The following NLRP13 variants were observed in gnomAD, a reference collection of about 807,000 sequenced individuals.
The protein encoded by NLRP13 is NACHT, LRR and PYD domains-containing protein 13.
A neutral mutation model predicts 94.4 loss-of-function variants in NLRP13; 82 were observed. That is an observed-to-expected ratio of 0.87 (90% confidence interval 0.73 to 1.04). The LOEUF is 1.04. NLRP13 is among the 50% of genes least tolerant of loss of function. The probability of loss-of-function intolerance (pLI) is 0.00; values close to 1 mark genes in which losing one functional copy is unlikely to be tolerated. For synonymous variants in NLRP13, 553 were observed against 464.7 expected (o/e 1.19, Z -2.45); for missense variants, 1,426 against 1,230.8 (o/e 1.16, Z -2.37).
At chr19:55,903,743 C>G (rs908950348) in intron 8 of NLRP13, among the ~76,000 whole-genome samples, 2 of 152,066 alleles carry the variant, frequency 1.3e-5, no homozygotes, top group Non-Finnish European at 2.9e-5. Flanking sequence ...CCTAAACCAC[C>G]TCGAATCCAT....
rs79240240 is a variant in NLRP13, at chr19:55,899,972, A to G, written c.2790-1035T>C. Among the ~76,000 whole-genome samples the G allele has an allele frequency of 9.0e-4, 132 of 147,232 alleles. 1 individual carries two copies. In the East Asian group the frequency reaches 0.021, roughly 24 times the overall value. ...ATTGTTGTTTTTTTTTTTTTTTGAG[A>G]TCTATTCCATGGCATGGCAAACATA... On this transcript the variant is annotated intron_variant, in intron 9 of 10. Transcript: ENST00000342929.
downstream of NLRP13, among the ~76,000 whole-genome samples, chr19:55,894,315 T>C (rs1398321150): frequency 6.6e-6 from 1 of 152,174 alleles, no homozygotes; most frequent in Non-Finnish European, 1.5e-5. Flanking sequence ...GTGCTGGAAT[T>C]ATAGGCATGA....
At chr19:55,927,752 T>C (rs771308676) in intron 1 of NLRP13, among the ~76,000 whole-genome samples, 3 of 152,152 alleles carry the variant, frequency 2.0e-5, no homozygotes, top group Non-Finnish European at 2.9e-5. Flanking sequence ...ACTCTAGAAA[T>C]GTAGAGGTTG....
At position 55,913,548 on chromosome 19, in the gene NLRP13, C is replaced by CAAAAAAAAAA. The variant is rs10530056; in HGVS notation, c.524-265_524-256dup. Among the ~76,000 whole-genome samples, 28 of 52,058 alleles carry CAAAAAAAAAA rather than the reference C, an allele frequency of 5.4e-4. 3 individuals are homozygous for CAAAAAAAAAA. Among genetic ancestry groups the CAAAAAAAAAA allele is most frequent in the Admixed American group, 1.6e-3 (9 of 5,806 alleles). 34.2% of individuals were successfully genotyped at this position (52,058 alleles called of 152,430 possible). A position where few individuals can be genotyped will look rare whatever the true frequency, so the allele number is the denominator to read the frequency against. On this transcript the variant is annotated intron_variant, in intron 4 of 10. Coordinates refer to ENST00000342929, the MANE Select transcript of NLRP13 (RefSeq NM_176810.2). The stretch of plus-strand genomic sequence containing the variant: ...TGGGTGACAGAGTGAGACTCCGTCT[C>CAAAAAAAAAA]AAAAAAAAAAAAAAAAAAAAAAAGT...
chr19:55,913,481 C>T (rs1055654619), intron 4 of NLRP13, among the ~76,000 whole-genome samples, 188 bp from the exon 5 acceptor site: 4 of 129,810 alleles, frequency 3.1e-5, no homozygotes, highest in African/African-American at 1.2e-4. Context: ...ACCCGGGAGG[C>T]GGAGGTTGCA....
At chr19:55,900,497 C>A (rs992816431) in intron 9 of NLRP13, among the ~76,000 whole-genome samples, 1 of 152,056 alleles carries the variant, frequency 6.6e-6, no homozygotes, top group African/African-American at 2.4e-5. Context: ...CCAGGCCAGG[C>A]GCGGTGGCTC....
chr19:55,923,443 A>G (rs1986887665), intron 4 of NLRP13, among the ~76,000 whole-genome samples: 1 of 152,224 alleles, frequency 6.6e-6, no homozygotes, highest in Non-Finnish European at 1.5e-5. Flanking sequence ...TTATCTGAAT[A>G]GCTTGTTTAT....
intron 3 of NLRP13, 60 bp from the exon 4 acceptor site, chr19:55,924,039 G>T: frequency 7.5e-7 from 1 of 1,329,520 alleles, no homozygotes; most frequent in Non-Finnish European, 1.1e-6. Flanking sequence ...GGGCCACAAT[G>T]ATAAAGACTC....
chr19:55,907,283 C>T (rs181486695), intron 7 of NLRP13, among the ~76,000 whole-genome samples: 2 of 150,704 alleles, frequency 1.3e-5, no homozygotes, highest in Non-Finnish European at 2.9e-5. Context: ...AAAACACCCA[C>T]TAGGTTGGGC....
Position 55,900,334 on chromosome 19 carries a change from T to G in NLRP13, c.2790-1397A>C, listed in dbSNP as rs75913946. Among the ~76,000 whole-genome samples, 530 of 152,288 alleles carry G rather than the reference T, an allele frequency of 3.5e-3. 20 individuals carry two copies. In the South Asian group the frequency reaches 0.082, roughly 24 times the overall value. ...TCAGCATTTGAAAACATACTCAACTTCATTCTTATAAATGCAGATGCAAAT... is the reference window on the plus strand; with the variant it reads ...TCAGCATTTGAAAACATACTCAACTGCATTCTTATAAATGCAGATGCAAAT... On this transcript the variant is annotated intron_variant, in intron 9 of 10. Transcript: ENST00000342929.
chr19:55,919,629 C>T (rs1294028500), intron 4 of NLRP13, among the ~76,000 whole-genome samples: 2 of 151,336 alleles, frequency 1.3e-5, no homozygotes, highest in Non-Finnish European at 3.0e-5. Flanking sequence ...TAAAAAAAAA[C>T]ACCTAAGGAA....
At chr19:55,905,526 C>T (rs1278616998) in intron 7 of NLRP13, among the ~76,000 whole-genome samples, 1 of 151,098 alleles carries the variant, frequency 6.6e-6, no homozygotes, top group Non-Finnish European at 1.5e-5. Flanking sequence ...GTGGTGTGCA[C>T]CTGTAGTCCC....
In NLRP13 at chr19:55,912,885, T is replaced by A; in HGVS notation, c.932A>T (p.Asp311Val). 6.2e-7 allele frequency: 1 copy of A among 1,614,172 alleles called. No individual in the cohort carries two copies. The highest frequency in any genetic ancestry group is 2.2e-5 in the East Asian group (1 of 44,876). ...SQPEKLLFII[D>V]GFEEIIISES... is the part of the protein sequence containing the mutation. Reference sequence around the variant, plus strand: ...AGATATGATTATTTCCTCAAAGCCATCAATAATAAACAGGAGCTTCTCTGG... The same window carrying A: ...AGATATGATTATTTCCTCAAAGCCAACAATAATAAACAGGAGCTTCTCTGG... The change falls in exon 5 of 11, where the codon GAT becomes GTT. Residue 311 changes from aspartate (D) to valine (V), a missense_variant. By Grantham distance (152) the Asp-to-Val change is radical (BLOSUM62 -3). Transcript: ENST00000342929.
intron 6 of NLRP13, 35 bp downstream of exon 6, chr19:55,910,528 G>C: frequency 5.2e-6 from 8 of 1,527,740 alleles, no homozygotes; most frequent in Non-Finnish European, 7.1e-6. Flanking sequence ...ATTCTCCTAG[G>C]GTATCTTCTT....
At chr19:55,923,472 G>T (rs144892659) in intron 4 of NLRP13, among the ~76,000 whole-genome samples, 5 of 152,300 alleles carry the variant, frequency 3.3e-5, no homozygotes, top group African/African-American at 1.2e-4. Flanking sequence ...CAGAAACCTG[G>T]CCTTTCATCA....
At position 55,912,785 on chromosome 19, in the gene NLRP13, G is replaced by A. The variant is rs915473889; in HGVS notation, c.1032C>T (p.Ile344=). 2.4e-5 allele frequency: 39 copies of A among 1,614,110 alleles called. No homozygotes were observed. The highest frequency in any genetic ancestry group is 3.2e-5 in the Non-Finnish European group (38 of 1,180,006). The change falls in exon 5 of 11, where the codon ATC becomes ATT. Residue 344 remains isoleucine (I), a synonymous_variant. Coordinates refer to ENST00000342929, the MANE Select transcript of NLRP13 (RefSeq NM_176810.2). The part of the protein sequence containing the change: ...DWYQELPVTK[I]LHSLLKKELV... ...ATTCTTTCTTCAACAAGCTGTGTAG[G>A]ATTTTGGTCACTGGGAGCTCCTGGT...
chr19:55,931,722 A>AAAAAG (rs1555751244), intron 1 of NLRP13, among the ~76,000 whole-genome samples: 2 of 107,328 alleles, frequency 1.9e-5, no homozygotes, highest in African/African-American at 3.6e-5. Context: ...AAAAAAAAAA[A>AAAAAG]AAAGAAAGAA....
At chr19:55,925,947 T>C (rs1986956953) in intron 1 of NLRP13, among the ~76,000 whole-genome samples, 1 of 152,060 alleles carries the variant, frequency 6.6e-6, no homozygotes, top group African/African-American at 2.4e-5. Flanking sequence ...CCACAGACCC[T>C]ACCTGTGGAG....
intron 1 of NLRP13, among the ~76,000 whole-genome samples, chr19:55,930,898 A>ATATGTATATATATATATGTATATATAT: frequency 1.9e-5 from 2 of 104,896 alleles, no homozygotes; most frequent in African/African-American, 7.7e-5. Context: ...ATATATATAT[A>ATATGTATATATATATATGTATATATAT]AAATTTTAAC....
Sources: allele counts gnomAD v4.1 joint callset (sites outside exome capture counted in the v4.1 genomes callset), GRCh38; gene constraint gnomAD v4.1.1; transcripts MANE v1.5; gene names NCBI Gene and HGNC (gene_info 2026-07-23, HGNC 2026-07-21).